SLC17A8: variants seen among roughly 807,000 people sequenced by gnomAD.
The protein encoded by SLC17A8 is solute carrier family 17 member 8.
In SLC17A8, 31 loss-of-function variants were observed where a neutral mutation model predicts 58.0. The observed-to-expected ratio is 0.53, with a 90% confidence interval of 0.40 to 0.72. The LOEUF is 0.72. Ranked by LOEUF, SLC17A8 falls within the 30% of genes least tolerant of loss-of-function variation. SLC17A8 has a pLI of 0.00. For synonymous variants in SLC17A8, 228 were observed against 249.0 expected (o/e 0.92, Z 0.79); for missense variants, 655 against 727.8 (o/e 0.90, Z 1.15).
intron 10 of SLC17A8, among the ~76,000 whole-genome samples, chr12:100,413,197 A>T (rs1952882864): frequency 6.6e-6 from 1 of 152,134 alleles, no homozygotes; most frequent in Non-Finnish European, 1.5e-5. Context: ...ATACTTTAGC[A>T]CCATGTCACC....
At chr12:100,358,922 G>A (rs1952465984) in intron 1 of SLC17A8, among the ~76,000 whole-genome samples, 1 of 152,138 alleles carries the variant, frequency 6.6e-6, no homozygotes, top group Non-Finnish European at 1.5e-5. Context: ...TGGGAGGATC[G>A]CTTGAGGCCA....
chr12:100,377,112 G>A (rs1952599945), intron 1 of SLC17A8, among the ~76,000 whole-genome samples: 1 of 151,900 alleles, frequency 6.6e-6, no homozygotes, highest in East Asian at 1.9e-4. Context: ...GCCAGGCCTA[G>A]AGCATCAGTT....
At chr12:100,396,036 G>A (rs1593000579) in intron 4 of SLC17A8, among the ~76,000 whole-genome samples, 1 of 152,224 alleles carries the variant, frequency 6.6e-6, no homozygotes, top group Admixed American at 6.5e-5. Flanking sequence ...GTCTGCCCAT[G>A]GCAGAACGGA....
chr12:100,394,509 CT>C (rs1952739187), intron 4 of SLC17A8, among the ~76,000 whole-genome samples: 2 of 146,898 alleles, frequency 1.4e-5, no homozygotes, highest in Non-Finnish European at 3.0e-5. Flanking sequence ...TCAAGCGATT[CT>C]CCTGCCTCAG....
chr12:100,358,879 C>T (rs750920405), intron 1 of SLC17A8, among the ~76,000 whole-genome samples: 2 of 152,194 alleles, frequency 1.3e-5, no homozygotes, highest in Non-Finnish European at 2.9e-5. Flanking sequence ...CAGTGGCTCA[C>T]GCCTGTAATC....
chr12:100,380,710 T>C lies in SLC17A8; in HGVS notation c.111T>C (p.Asp37=), dbSNP rs767915797. ...DSLGILQRKI[D]GTTEEEDNIE... is the part of the protein sequence containing the mutation. ...CCTTTTTCCCATGTAGAAAAATCGATGGGACAACTGAGGAAGAAGATAACA... is the reference window on the plus strand; with the variant it reads ...CCTTTTTCCCATGTAGAAAAATCGACGGGACAACTGAGGAAGAAGATAACA... The change falls in exon 2 of 12, where the codon GAT becomes GAC. Residue 37 remains aspartate, a synonymous_variant. Coordinates refer to ENST00000323346, the MANE Select transcript of SLC17A8 (RefSeq NM_139319.3). 3 of 1,614,046 alleles carry C rather than the reference T, an allele frequency of 1.9e-6. No individual in the cohort carries two copies. The highest frequency in any genetic ancestry group is 2.2e-5 in the South Asian group (2 of 91,068).
chr12:100,398,351 C>T (rs578143184), intron 5 of SLC17A8, among the ~76,000 whole-genome samples: 2 of 152,334 alleles, frequency 1.3e-5, no homozygotes, highest in African/African-American at 4.8e-5. Flanking sequence ...GAGGATAAGA[C>T]TCACCCCAGC....
intron 6 of SLC17A8, 152 bp from the exon 7 acceptor site, chr12:100,402,188 C>A: frequency 1.3e-6 from 1 of 758,796 alleles, no homozygotes; most frequent in Non-Finnish European, 2.2e-6. Flanking sequence ...TGTTCACGTG[C>A]ATGTATGAGA....
At chr12:100,392,101 G>A (rs1486217025) in intron 3 of SLC17A8, among the ~76,000 whole-genome samples, 2 of 152,126 alleles carry the variant, frequency 1.3e-5, no homozygotes, top group Non-Finnish European at 2.9e-5. Context: ...TATTAGAAAA[G>A]GAGTGAACTA....
intron 3 of SLC17A8, among the ~76,000 whole-genome samples, chr12:100,391,584 C>T (rs1452431095): frequency 1.3e-5 from 2 of 152,160 alleles, no homozygotes; most frequent in African/African-American, 2.4e-5. Context: ...GGATTGCAGG[C>T]GTGTGAGACA....
At chr12:100,399,086 T>C (rs1465138143) in intron 5 of SLC17A8, among the ~76,000 whole-genome samples, 2 of 152,292 alleles carry the variant, frequency 1.3e-5, no homozygotes, top group Middle Eastern at 3.4e-3. Context: ...TTACAACCCA[T>C]TGTTTTATAG....
At chr12:100,365,893 A>G (rs1952517137) in intron 1 of SLC17A8, among the ~76,000 whole-genome samples, 1 of 152,176 alleles carries the variant, frequency 6.6e-6, no homozygotes, top group South Asian at 2.1e-4. Context: ...ATGAGAGAGA[A>G]CAATCCACGG....
intron 9 of SLC17A8, among the ~76,000 whole-genome samples, chr12:100,405,018 G>A (rs924160712): frequency 5.3e-5 from 8 of 152,196 alleles, no homozygotes; most frequent in Non-Finnish European, 8.8e-5. Flanking sequence ...AAGTTGAAAG[G>A]GACGGATTGC....
At chr12:100,409,145 TTATGTATGTATG>T (rs4015905) in intron 9 of SLC17A8, among the ~76,000 whole-genome samples, 2,411 of 143,768 alleles carry the variant, frequency 0.017, 62 homozygotes, top group African/African-American at 0.053. Flanking sequence ...TCATTAAACG[TTATGTATGTATG>T]TATGTATGTA....
chr12:100,372,810 C>T (rs1035621246), intron 1 of SLC17A8, among the ~76,000 whole-genome samples: 3 of 152,190 alleles, frequency 2.0e-5, no homozygotes, highest in African/African-American at 7.2e-5. Context: ...AGGGATCCTC[C>T]TGCCTCAGCG....
At chr12:100,383,734 ATC>A (rs1446167459) in intron 2 of SLC17A8, among the ~76,000 whole-genome samples, 1 of 149,468 alleles carries the variant, frequency 6.7e-6, no homozygotes, top group Non-Finnish European at 1.5e-5. Context: ...TTGAAACGGG[ATC>A]TCTGTTGCCC....
chr12:100,358,347 G>A (rs1438807101), intron 1 of SLC17A8, among the ~76,000 whole-genome samples: 3 of 152,066 alleles, frequency 2.0e-5, no homozygotes, highest in Admixed American at 6.6e-5. Context: ...TCTAATCCTG[G>A]TGAGTGAAAA....
intron 1 of SLC17A8, among the ~76,000 whole-genome samples, chr12:100,363,383 G>A (rs375881368): frequency 6.6e-6 from 1 of 152,050 alleles, no homozygotes; most frequent in Non-Finnish European, 1.5e-5. Flanking sequence ...TTGTTTGTTT[G>A]TTTGGGATGG....
intron 1 of SLC17A8, among the ~76,000 whole-genome samples, chr12:100,380,473 C>T (rs1327771015): frequency 2.0e-5 from 3 of 151,248 alleles, no homozygotes; most frequent in Non-Finnish European, 2.9e-5. Flanking sequence ...CACACAATAC[C>T]CAGAACATCA....
Sources: allele counts gnomAD v4.1 joint callset (sites outside exome capture counted in the v4.1 genomes callset), GRCh38; gene constraint gnomAD v4.1.1; transcripts MANE v1.5; gene names NCBI Gene and HGNC (gene_info 2026-07-23, HGNC 2026-07-21).